The following ANGEL2 variants were observed in gnomAD, a reference collection of about 807,000 sequenced individuals.
The protein encoded by ANGEL2 is angel homolog 2.
Under a neutral mutation model 66.0 loss-of-function variants are expected in ANGEL2, and 41 were observed. The observed-to-expected ratio is 0.62, with a 90% CI of 0.48 to 0.81. The LOEUF (loss-of-function observed/expected upper bound fraction) is 0.81, where lower values mean the gene tolerates loss of function less well. Ranked by LOEUF, ANGEL2 falls within the 30% of genes least tolerant of loss-of-function variation. ANGEL2 has a pLI of 0.00. For missense variants in ANGEL2, 561 were observed against 641.6 expected, an observed-to-expected ratio of 0.87 and a Z score of 1.36; for synonymous variants, 208 against 226.5, an observed-to-expected ratio of 0.92 and a Z score of 0.73.
At position 213,008,308 on chromosome 1, in the gene ANGEL2, C is replaced by A. The variant is rs745621887; in HGVS notation, c.544G>T (p.Asp182Tyr). The A allele has an allele frequency of 1.2e-6, 2 of 1,614,178 alleles. No individual in the cohort carries two copies. Among genetic ancestry groups the A allele is most frequent in the South Asian group, 2.2e-5 (2 of 91,088 alleles). Reference sequence around the variant, plus strand: ...CAATGTCTATAAAGGTGAGAGTTATCTTCCAGTAAATCTTGTGAAAGTATA... The same window carrying A: ...CAATGTCTATAAAGGTGAGAGTTATATTCCAGTAAATCTTGTGAAAGTATA... ...YNILSQDLLE[D>Y]NSHLYRHCRR... The change falls in exon 3 of 9, where the codon GAT (aspartate) becomes TAT (tyrosine). Residue 182 changes from aspartate to tyrosine, a missense_variant. Coordinates refer to ENST00000366962, the MANE Select transcript of ANGEL2 (RefSeq NM_144567.5).
At chr1:213,010,462 C>G (rs1254572917) in intron 2 of ANGEL2, among the ~76,000 whole-genome samples, 1 of 151,814 alleles carries the variant, frequency 6.6e-6, no homozygotes, top group East Asian at 1.9e-4. Context: ...GTCCCAGCTA[C>G]TCGGGAGGCT....
intron 2 of ANGEL2, among the ~76,000 whole-genome samples, chr1:213,009,801 A>T (rs1207853468): frequency 1.3e-5 from 2 of 152,244 alleles, no homozygotes; most frequent in Non-Finnish European, 2.9e-5. Context: ...CTGTAATCCC[A>T]GCACTTTGGG....
intron 1 of ANGEL2, 154 bp downstream of exon 1, chr1:213,015,459 A>T: frequency 1.4e-6 from 2 of 1,446,998 alleles, no homozygotes; most frequent in Non-Finnish European, 1.8e-6. Flanking sequence ...TGGTCTCTGG[A>T]GGCTCGTCCC....
At chr1:212,999,468 ATT>A (rs936081546) in intron 7 of ANGEL2, among the ~76,000 whole-genome samples, 3 of 152,200 alleles carry the variant, frequency 2.0e-5, no homozygotes, top group Non-Finnish European at 4.4e-5. Flanking sequence ...CATTTAAAAA[ATT>A]TTTTTAAAAA....
In ANGEL2 at chr1:212,994,007, G is replaced by A. The variant is rs569627825; in HGVS notation, c.*1034C>T. 3.9e-5 allele frequency: 6 copies of A among 152,330 alleles called. No homozygotes were observed. The highest frequency in any genetic ancestry group is 1.4e-4 in the African/African-American group (6 of 41,558). The allele number at this position is 152,330 out of a possible 1,614,324, so 9.4% of individuals were successfully genotyped here. A position where few individuals can be genotyped will look rare whatever the true frequency, so the allele number is the denominator to read the frequency against. On this transcript the variant is annotated 3_prime_UTR_variant, in exon 9 of 9. Transcript: ENST00000366962. ...CTGAATTTTTAAAAAATGCTGCCAT[G>A]TGCAGTGGCTCCCGCCTGTAATCCC... is the stretch of plus-strand genomic sequence containing the variant.
Position 213,005,815 on chromosome 1 carries a change from T to C in ANGEL2, c.713-361A>G, listed in dbSNP as rs532626501. On this transcript the variant is annotated intron_variant, in intron 4 of 8. Coordinates refer to ENST00000366962, the MANE Select transcript of ANGEL2 (RefSeq NM_144567.5). ...CCCCCTCACTTCATTCCAATCTCACTGGCCTCCTCACTTGCCTTAACACAC... is the reference window on the plus strand; with the variant it reads ...CCCCCTCACTTCATTCCAATCTCACCGGCCTCCTCACTTGCCTTAACACAC... Among the ~76,000 whole-genome samples the C allele has an allele frequency of 2.0e-5, 3 of 152,318 alleles. No homozygotes were observed. In the South Asian group the frequency reaches 6.2e-4, roughly 32 times the overall value.
rs1378887310 is a variant in ANGEL2, at chr1:212,993,285, G to A, written c.*1756C>T. 6.6e-6 allele frequency: 1 copy of A among 152,076 alleles called. No homozygotes were observed. The highest frequency in any genetic ancestry group is 1.5e-5 in the Non-Finnish European group (1 of 68,030). 9.4% of individuals were successfully genotyped at this position (152,076 alleles called of 1,614,324 possible). Reference sequence around the variant, plus strand: ...GTTCGCGCCACTGCACTCCAGCCTGGGCGATAGCGTGAGACACCATCTAAA... The same window carrying A: ...GTTCGCGCCACTGCACTCCAGCCTGAGCGATAGCGTGAGACACCATCTAAA... On this transcript the variant is annotated 3_prime_UTR_variant, in exon 9 of 9. Coordinates refer to ENST00000366962, the MANE Select transcript of ANGEL2 (RefSeq NM_144567.5).
intron 2 of ANGEL2, among the ~76,000 whole-genome samples, chr1:213,011,980 C>A: frequency 6.6e-6 from 1 of 152,232 alleles, no homozygotes; most frequent in Non-Finnish European, 1.5e-5. Context: ...TCTCCCTATG[C>A]TGTGGTTAAG....
chr1:213,014,997 A>G (rs2076602648), intron 1 of ANGEL2, among the ~76,000 whole-genome samples: 1 of 152,234 alleles, frequency 6.6e-6, no homozygotes, highest in African/African-American at 2.4e-5. Flanking sequence ...CTTAGGGTGA[A>G]GCTAATGTGG....
intron 2 of ANGEL2, among the ~76,000 whole-genome samples, chr1:213,010,030 A>C (rs1441515883): frequency 2.7e-5 from 4 of 150,780 alleles, no homozygotes; most frequent in East Asian, 1.9e-4. Flanking sequence ...CAGCCTGGGC[A>C]ACAAGAGTGA....
Position 213,013,546 on chromosome 1 carries a change from G to A in ANGEL2, c.60-128C>T. 42 of 875,482 alleles carry A rather than the reference G, an allele frequency of 4.8e-5. 3 individuals carry two copies. In the South Asian group the frequency reaches 7.1e-4, roughly 15 times the overall value. 54.2% of individuals were successfully genotyped at this position (875,482 alleles called of 1,614,324 possible). A position where few individuals can be genotyped will look rare whatever the true frequency, so the allele number is the denominator to read the frequency against. On this transcript the variant is annotated intron_variant, in intron 1 of 8. Transcript: ENST00000366962. Reference sequence around the variant, plus strand: ...AAATCTGGCTGCTAAATCTGTGAAGGATGAAGAGGAAAGCACCCATGATTT... The same window carrying A: ...AAATCTGGCTGCTAAATCTGTGAAGAATGAAGAGGAAAGCACCCATGATTT...
At chr1:212,997,467 T>C in intron 7 of ANGEL2, 149 bp from the exon 8 acceptor site, 1 of 679,660 alleles carries the variant, frequency 1.5e-6, no homozygotes, top group Non-Finnish European at 2.4e-6. Flanking sequence ...AATTTAGTAT[T>C]AATTTACTTA....
At position 213,012,815 on chromosome 1, in the gene ANGEL2, A is replaced by G. The variant is rs114049255; in HGVS notation, c.385+278T>C. 3.2e-3 allele frequency among the ~76,000 whole-genome samples: 482 copies of G among 152,336 alleles called. 4 individuals carry two copies. Among genetic ancestry groups the G allele is most frequent in the African/African-American group, 0.011 (459 of 41,574 alleles). ...TGGATTTAAAAATTATCCTTAAATAAAACTTACTTTTGTAATCTATTTCTC... is the reference window on the plus strand; with the variant it reads ...TGGATTTAAAAATTATCCTTAAATAGAACTTACTTTTGTAATCTATTTCTC... On this transcript the variant is annotated intron_variant, in intron 2 of 8. Coordinates refer to ENST00000366962, the MANE Select transcript of ANGEL2 (RefSeq NM_144567.5).
intron 7 of ANGEL2, among the ~76,000 whole-genome samples, chr1:212,997,537 T>G (rs2076059749): frequency 6.6e-6 from 1 of 152,226 alleles, no homozygotes; most frequent in Non-Finnish European, 1.5e-5. Flanking sequence ...TAAAAAAAGC[T>G]CAATAATTAA....
intron 5 of ANGEL2, among the ~76,000 whole-genome samples, chr1:213,004,497 G>C (rs75629982): frequency 2.5e-3 from 357 of 144,358 alleles, no homozygotes; most frequent in African/African-American, 8.3e-3. Context: ...TTTTTTTTTT[G>C]CTGCCTGTTA....
chr1:213,000,482 G>C (rs1041168907), intron 6 of ANGEL2, 99 bp from the exon 7 acceptor site: 3 of 1,045,746 alleles, frequency 2.9e-6, no homozygotes, highest in Admixed American at 2.4e-5. Context: ...ATCTAGGTTA[G>C]AAAGATGCCT....
chr1:213,007,270 A>C, intron 3 of ANGEL2, 72 bp from the exon 4 acceptor site: 1 of 1,174,076 alleles, frequency 8.5e-7, no homozygotes, highest in South Asian at 1.7e-5. Flanking sequence ...TTTTATCTTA[A>C]AATATCTAAA....
chr1:212,999,193 T>A (rs548715457), intron 7 of ANGEL2, among the ~76,000 whole-genome samples: 2 of 152,174 alleles, frequency 1.3e-5, no homozygotes, highest in African/African-American at 4.8e-5. Flanking sequence ...ATTTTTTTTT[T>A]AATAGAGGCA....
intron 3 of ANGEL2, 50 bp downstream of exon 3, chr1:213,008,160 G>A (rs752681817): frequency 7.9e-5 from 125 of 1,577,462 alleles, no homozygotes; most frequent in Admixed American, 2.8e-4. Flanking sequence ...CAGTGTGCCC[G>A]GCCCCAACTT....
Sources: allele counts gnomAD v4.1 joint callset (sites outside exome capture counted in the v4.1 genomes callset), GRCh38; gene constraint gnomAD v4.1.1; transcripts MANE v1.5; gene names NCBI Gene and HGNC (gene_info 2026-07-23, HGNC 2026-07-21).